Variants in SGTA observed in about 807,000 individuals in gnomAD.
SGTA encodes small glutamine rich tetratricopeptide repeat co-chaperone alpha.
SGTA carries 22 observed loss-of-function variants against 44.3 expected under a neutral mutation model. The observed-to-expected ratio is 0.50, with a 90% CI of 0.36 to 0.71. The LOEUF is 0.71. SGTA is among the 30% of genes least tolerant of loss of function. The pLI is 0.00. For synonymous variants in SGTA, 174 were observed against 177.6 expected, an observed-to-expected ratio of 0.98 and a Z score of 0.16; for missense variants, 341 against 435.9, an observed-to-expected ratio of 0.78 and a Z score of 1.94.
At chr19:2,766,213 C>T (rs551625187) in intron 4 of SGTA, among the ~76,000 whole-genome samples, 9 of 151,864 alleles carry the variant, frequency 5.9e-5, no homozygotes, top group Non-Finnish European at 1.3e-4. Context: ...GAGACTCCAT[C>T]TCAAAAAAGA....
chr19:2,756,822 C>T (rs1345920711), intron 11 of SGTA, among the ~76,000 whole-genome samples: 1 of 152,184 alleles, frequency 6.6e-6, no homozygotes, highest in Non-Finnish European at 1.5e-5. Flanking sequence ...TTTTAAACAA[C>T]TGTAAGTGCA....
intron 1 of SGTA, chr19:2,782,772 G>C (rs1041464330): frequency 3.3e-5 from 5 of 152,258 alleles, no homozygotes; most frequent in African/African-American, 1.2e-4. Flanking sequence ...CCGTTTTACA[G>C]AGGGGAAAAC....
chr19:2,757,826 G>T, intron 9 of SGTA, 44 bp from the exon 10 acceptor site: 2 of 1,378,918 alleles, frequency 1.5e-6, no homozygotes, highest in Non-Finnish European at 2.0e-6. Context: ...CAGCCTGACC[G>T]CCACCCCCAC....
In SGTA at chr19:2,765,129, C is replaced by T; in HGVS notation, c.392+57G>A. ...CCATCTCAGGTCCCTGCTAAGCATC[C>T]CGGAGGACGCCCCCGCACCCGGCCG... is the stretch of plus-strand genomic sequence containing the variant. On this transcript the variant is annotated intron_variant, in intron 5 of 11. Transcript: ENST00000221566. The surrounding 1 kb of genome is among the most constrained non-coding windows in gnomAD (Gnocchi z 5.5). 2.4e-6 allele frequency: 3 copies of T among 1,251,670 alleles called. No individual in the cohort carries two copies. The highest frequency in any genetic ancestry group is 3.5e-6 in the Non-Finnish European group (3 of 851,586). 77.5% of individuals were successfully genotyped at this position (1,251,670 alleles called of 1,614,324 possible).
At chr19:2,768,940 A>T in intron 2 of SGTA, 29 bp downstream of exon 2, 1 of 1,533,208 alleles carries the variant, frequency 6.5e-7, no homozygotes, top group Non-Finnish European at 9.0e-7. Context: ...CTGCCCGGGG[A>T]GAGGGGGAAG....
intron 7 of SGTA, 122 bp downstream of exon 7, chr19:2,762,384 A>G: frequency 1.0e-6 from 1 of 986,898 alleles, no homozygotes; most frequent in Admixed American, 2.2e-5. Context: ...ACCAACTGAA[A>G]CAAACCCCGG....
rs557533824 is a variant in SGTA, at chr19:2,755,415, C to T, written c.*525G>A. 4.0e-5 allele frequency: 40 copies of T among 987,722 alleles called. No homozygotes were observed. In the African/African-American group the frequency reaches 6.8e-4, roughly 17 times the overall value. The allele number at this position is 987,722 out of a possible 1,614,324, so 61.2% of individuals were successfully genotyped here. On this transcript the variant is annotated 3_prime_UTR_variant, in exon 12 of 12. Coordinates refer to ENST00000221566, the MANE Select transcript of SGTA (RefSeq NM_003021.4). The surrounding 1 kb of genome is among the most constrained non-coding windows in gnomAD (Gnocchi z 5.2). The stretch of plus-strand genomic sequence containing the variant: ...GAGTTCCTCATGCAAACACACATGG[C>T]CCGCGGTGCCCAGGCCGCAGCTGGC...
Position 2,761,467 on chromosome 19 carries a change from A to G in SGTA, c.692T>C (p.Met231Thr). ...GGAGGGGCGGGCCGTTACCATGCTC[A>G]TGAAGCCAGGGTTGTTCAGCAGGCC... is the stretch of plus-strand genomic sequence containing the variant. ...IAGLLNNPGF[M>T]SMASNLMNNP... The change falls in exon 8 of 12, where the codon ATG becomes ACG. Residue 231 changes from methionine (M) to threonine (T), a missense_variant. By Grantham distance (81) the Met-to-Thr change is moderately conservative. Transcript: ENST00000221566. This position sits in a 1 kb window ranked among gnomAD's most constrained non-coding sequence, Gnocchi z 5.7. 6.4e-7 allele frequency: 1 copy of G among 1,551,358 alleles called. No homozygotes were observed.
chr19:2,780,743 C>T (rs557530785), intron 1 of SGTA, among the ~76,000 whole-genome samples: 1 of 152,200 alleles, frequency 6.6e-6, no homozygotes, highest in Non-Finnish European at 1.5e-5. Context: ...CACATGGTCA[C>T]GTTCCTTGGG....
intron 9 of SGTA, among the ~76,000 whole-genome samples, chr19:2,758,863 A>T (rs1263353774): frequency 6.6e-5 from 10 of 152,240 alleles, no homozygotes; most frequent in Non-Finnish European, 1.0e-4. Context: ...CGTCACGCTC[A>T]GTGAGAGACG....
chr19:2,766,244 A>G (rs1488369169), intron 4 of SGTA, among the ~76,000 whole-genome samples: 1 of 151,760 alleles, frequency 6.6e-6, no homozygotes, highest in East Asian at 1.9e-4. Flanking sequence ...ATGGGATCAC[A>G]TGCTGTGCGT....
rs199515447 is a variant in SGTA at position 2,769,091 on chromosome 19, C to T, written c.-23G>A. ...CATCTTGAGCCCAGAAGAGGTGATA[C>T]CTGGGGGTGCAGGAAAAACCCCCAT... On this transcript the variant is annotated splice_region_variant and 5_prime_UTR_variant, in exon 2 of 12. Coordinates refer to ENST00000221566, the MANE Select transcript of SGTA (RefSeq NM_003021.4). 1 of 1,600,690 alleles carries T rather than the reference C, an allele frequency of 6.2e-7. No individual in the cohort carries two copies. Among genetic ancestry groups the T allele is most frequent in the African/African-American group, 1.3e-5 (1 of 74,794 alleles).
At chr19:2,773,716 C>T (rs1243802849) in intron 1 of SGTA, among the ~76,000 whole-genome samples, 1 of 51,350 alleles carries the variant, frequency 1.9e-5, no homozygotes, top group Admixed American at 1.8e-4. Flanking sequence ...AGATGGGTGA[C>T]GCGGCCACAC....
chr19:2,772,013 G>A (rs1915322643), intron 1 of SGTA, among the ~76,000 whole-genome samples: 1 of 152,266 alleles, frequency 6.6e-6, no homozygotes, highest in Non-Finnish European at 1.5e-5. Context: ...CTCACTGGCT[G>A]ACATACAGGG....
intron 2 of SGTA, among the ~76,000 whole-genome samples, chr19:2,768,706 A>C (rs1167630676): frequency 6.6e-6 from 1 of 152,222 alleles, no homozygotes; most frequent in Non-Finnish European, 1.5e-5. Flanking sequence ...GGGAGATGGA[A>C]AAAAGCCACT....
Position 2,763,691 on chromosome 19 carries a change from G to A in SGTA, c.459C>T (p.Cys153=). 1.9e-6 allele frequency: 3 copies of A among 1,613,790 alleles called. No individual in the cohort carries two copies. The highest frequency in any genetic ancestry group is 1.7e-5 in the Admixed American group (1 of 60,016). Residue 153 remains cysteine (C), a synonymous_variant, in exon 6 of 12, where the codon TGC becomes TGT. Coordinates refer to ENST00000221566, the MANE Select transcript of SGTA (RefSeq NM_003021.4). The surrounding 1 kb of genome is among the most constrained non-coding windows in gnomAD (Gnocchi z 5.8). ...GAVQDCERAI[C]IDPAYSKAYG... The stretch of plus-strand genomic sequence containing the variant: ...AGGCCTTGCTGTAGGCCGGGTCAAT[G>A]CAGATGGCCCGCTCACAGTCCTGCA...
intron 5 of SGTA, among the ~76,000 whole-genome samples, chr19:2,764,389 GTATGTATT>G (rs1421906097): frequency 6.6e-6 from 1 of 152,186 alleles, no homozygotes; most frequent in Non-Finnish European, 1.5e-5. Context: ...GATTTTCTAT[GTATGTATT>G]TATGTATTTA....
intron 8 of SGTA, among the ~76,000 whole-genome samples, chr19:2,760,039 A>G (rs1301619632): frequency 6.6e-6 from 1 of 152,194 alleles, no homozygotes; most frequent in Non-Finnish European, 1.5e-5. Flanking sequence ...ACTTGGGATT[A>G]TTCCTTTGGA....
At chr19:2,774,563 C>T (rs914630658) in intron 1 of SGTA, among the ~76,000 whole-genome samples, 7 of 152,166 alleles carry the variant, frequency 4.6e-5, no homozygotes, top group Admixed American at 1.3e-4. Flanking sequence ...TACACAGAGG[C>T]CTTCACCTAC....
Sources: gnomAD v4.1 joint callset for allele counts (sites outside exome capture counted in the v4.1 genomes callset) on GRCh38, gnomAD v4.1.1 for gene constraint, Gnocchi (gnomAD v3.1) non-coding constraint, MANE v1.5 for transcripts, NCBI Gene and HGNC (gene_info 2026-07-23, HGNC 2026-07-21) for gene names.